Variants in ZNF512 observed in about 807,000 individuals in gnomAD.
ZNF512 encodes zinc finger protein 512.
A neutral mutation model predicts 77.5 loss-of-function variants in ZNF512; 25 were observed. That is an observed-to-expected ratio of 0.32 (90% CI 0.23 to 0.45). The LOEUF (loss-of-function observed/expected upper bound fraction) is 0.45. Ranked by LOEUF, ZNF512 falls within the 20% of genes least tolerant of loss-of-function variation. The pLI is 1.00. For missense variants in ZNF512, 483 were observed against 692.6 expected (o/e 0.70, Z 3.40); for synonymous variants, 246 against 239.9 (o/e 1.03, Z -0.24).
At chr2:27,596,288 T>C (rs558186350) in intron 2 of ZNF512, among the ~76,000 whole-genome samples, 1 of 152,352 alleles carries the variant, frequency 6.6e-6, no homozygotes, top group East Asian at 1.9e-4. Flanking sequence ...TCATTTTGGT[T>C]TTCAAAGTCT....
At chr2:27,598,572 T>C (rs1001357699) in intron 3 of ZNF512, among the ~76,000 whole-genome samples, 2 of 148,944 alleles carry the variant, frequency 1.3e-5, no homozygotes, top group Admixed American at 6.8e-5. Flanking sequence ...GAGGTTGCAC[T>C]GAGCAGAGAT....
intron 10 of ZNF512, among the ~76,000 whole-genome samples, chr2:27,610,545 T>TGTGTAG (rs57413964): frequency 5.3e-5 from 1 of 18,958 alleles, no homozygotes; most frequent in Non-Finnish European, 8.9e-5. Flanking sequence ...TATGTGTGTG[T>TGTGTAG]ATATATATAT....
intron 2 of ZNF512, among the ~76,000 whole-genome samples, chr2:27,595,415 C>G (rs1220639562): frequency 6.6e-6 from 1 of 151,774 alleles, no homozygotes; most frequent in Non-Finnish European, 1.5e-5. Context: ...GCCTCCGCCT[C>G]CCAGGTTCAA....
chr2:27,607,740 T>C, intron 9 of ZNF512, 105 bp from the exon 10 acceptor site: 3 of 1,062,588 alleles, frequency 2.8e-6, no homozygotes, highest in Non-Finnish European at 4.1e-6. Context: ...AGCAATCTAC[T>C]ACATAGCTCT....
In ZNF512 at chr2:27,621,455, G is replaced by A. The variant is rs1212291873; in HGVS notation, c.1698G>A (p.Arg566=). The A allele has an allele frequency of 1.2e-6, 2 of 1,607,978 alleles. No homozygotes were observed. The highest frequency in any genetic ancestry group is 1.7e-6 in the Non-Finnish European group (2 of 1,179,330). ...CAAAGACTAATCATAAACGAGGAAG[G>A]AAATAGGCAGTCAGTGTAAAAGTGC... ...KPPKTNHKRG[R]K is the part of the protein sequence containing the mutation. The change falls in exon 14 of 14, where the codon AGG becomes AGA. Residue 566 remains arginine, a synonymous_variant. Coordinates refer to ENST00000355467, the MANE Select transcript of ZNF512 (RefSeq NM_032434.4).
intron 2 of ZNF512, among the ~76,000 whole-genome samples, chr2:27,591,777 A>C (rs1030319133): frequency 1.4e-4 from 22 of 152,094 alleles, no homozygotes; most frequent in African/African-American, 5.1e-4. Context: ...TCATGGGCTC[A>C]GTCCCCCTGC....
intron 2 of ZNF512, among the ~76,000 whole-genome samples, chr2:27,595,926 T>G (rs1671849043): frequency 6.6e-6 from 1 of 152,244 alleles, no homozygotes; most frequent in Non-Finnish European, 1.5e-5. Context: ...CTTTGAAAAT[T>G]GCTCACATTT....
At chr2:27,583,966 T>C (rs901843837) in intron 2 of ZNF512, among the ~76,000 whole-genome samples, 18 of 152,224 alleles carry the variant, frequency 1.2e-4, no homozygotes, top group Admixed American at 1.2e-3. Flanking sequence ...CCAGTGGAAC[T>C]TCTTGTGACG....
At chr2:27,619,558 C>T (rs1187853710) in intron 13 of ZNF512, among the ~76,000 whole-genome samples, 1 of 152,030 alleles carries the variant, frequency 6.6e-6, no homozygotes. Context: ...TTGATTTATG[C>T]CTCTATGAAT....
At chr2:27,586,016 C>T (rs1671307677) in intron 2 of ZNF512, among the ~76,000 whole-genome samples, 1 of 152,112 alleles carries the variant, frequency 6.6e-6, no homozygotes, top group African/African-American at 2.4e-5. Flanking sequence ...CCCTAACCAC[C>T]TTGATTTAAT....
chr2:27,583,072 C>G lies in ZNF512; in HGVS notation c.-41C>G, dbSNP rs772947998. The stretch of plus-strand genomic sequence containing the variant: ...AGAGCGGAAGTGGCGTTGGTCTGGC[C>G]GGAGCCCTTGGGTGAAATTGTTAGG... On this transcript the variant is annotated 5_prime_UTR_variant, in exon 1 of 14. Coordinates refer to ENST00000355467, the MANE Select transcript of ZNF512 (RefSeq NM_032434.4). 6.2e-7 allele frequency: 1 copy of G among 1,613,748 alleles called. No homozygotes were observed. Among genetic ancestry groups the G allele is most frequent in the East Asian group, 2.2e-5 (1 of 44,862 alleles).
rs1244968585 is a variant in ZNF512 at position 27,586,962 on chromosome 2, A to G, written c.89+3246A>G. Among the ~76,000 whole-genome samples the G allele has an allele frequency of 2.0e-5, 3 of 152,208 alleles. No homozygotes were observed. The East Asian group carries it at 5.8e-4, about 29-fold the overall frequency. On this transcript the variant is annotated intron_variant, in intron 2 of 13. Transcript: ENST00000355467. The stretch of plus-strand genomic sequence containing the variant: ...GATACCATAATTTGTTTAGCCATCT[A>G]TCTTGATTGACATTTGAGTTATTTT...
At chr2:27,600,091 T>C in intron 5 of ZNF512, 38 bp downstream of exon 5, 3 of 1,597,334 alleles carry the variant, frequency 1.9e-6, no homozygotes, top group Non-Finnish European at 2.6e-6. Flanking sequence ...GATGTAGTTC[T>C]CACACTCTGA....
chr2:27,615,217 A>T lies in ZNF512; in HGVS notation c.1181A>T (p.His394Leu). ...CCTACCTTCAGCCAGGAAGTACTACATAAATGGAAGACAGATATCAAGAAA... is the reference window on the plus strand; with the variant it reads ...CCTACCTTCAGCCAGGAAGTACTACTTAAATGGAAGACAGATATCAAGAAA... ...GLPTFSQEVL[H>L]KWKTDIKKYH... is the part of the protein sequence containing the mutation. Residue 394 changes from histidine (H) to leucine (L), a missense_variant, in exon 11 of 14, where the codon CAT becomes CTT. Around this residue, in one of 2 missense-constraint regions of ZNF512, gnomAD observed 324 missense variants for 525.0 expected, o/e 0.62. Transcript: ENST00000355467. 1 of 1,608,320 alleles carries T rather than the reference A, an allele frequency of 6.2e-7. No homozygotes were observed.
At chr2:27,583,197 A>G in intron 1 of ZNF512, 55 bp downstream of exon 1, 1 of 1,612,990 alleles carries the variant, frequency 6.2e-7, no homozygotes, top group Non-Finnish European at 8.5e-7. Context: ...CGAGCCCGGA[A>G]CACGCGGTCC....
rs1443270229 is a variant in ZNF512 at position 27,617,513 on chromosome 2, A to C, written c.1337A>C (p.Gln446Pro). The C allele has an allele frequency of 6.6e-7, 1 of 1,519,540 alleles. No homozygotes were observed. The allele number at this position is 1,519,540 out of a possible 1,614,324, so 94.1% of individuals were successfully genotyped here. ...GGAAAATACAAATGTCTTCTATGTC[A>C]GAAAGAATTTGTGTCAGAGAGTGGT... ...VAGKYKCLLC[Q>P]KEFVSESGVK... is the part of the protein sequence containing the mutation. The change falls in exon 13 of 14, where the codon CAG becomes CCG. Residue 446 changes from glutamine (Q) to proline (P), a missense_variant. By Grantham distance (76) the Gln-to-Pro change is moderately conservative. Coordinates refer to ENST00000355467, the MANE Select transcript of ZNF512 (RefSeq NM_032434.4).
chr2:27,596,391 C>G (rs1362477312), intron 2 of ZNF512, among the ~76,000 whole-genome samples: 3 of 151,982 alleles, frequency 2.0e-5, no homozygotes, highest in Admixed American at 2.0e-4. Context: ...TTAAGAGATT[C>G]TTTTTTTTGC....
Position 27,621,746 on chromosome 2 carries a change from C to G in ZNF512, c.*285C>G. 1 of 269,368 alleles carries G rather than the reference C, an allele frequency of 3.7e-6. No homozygotes were observed. The highest frequency in any genetic ancestry group is 6.6e-5 in the South Asian group (1 of 15,244). 16.7% of individuals were successfully genotyped at this position (269,368 alleles called of 1,614,324 possible). ...AACTATAGGCTCCTCTTGCCCTGTA[C>G]AAAACTAAGAAACCTCTTTGGTTGT... On this transcript the variant is annotated 3_prime_UTR_variant, in exon 14 of 14. Transcript: ENST00000355467.
intron 10 of ZNF512, among the ~76,000 whole-genome samples, chr2:27,609,638 G>A (rs1278243784): frequency 6.6e-6 from 1 of 152,160 alleles, no homozygotes; most frequent in Non-Finnish European, 1.5e-5. Flanking sequence ...GGAGGCCGTG[G>A]TGGGCCGATC....
Sources: gnomAD v4.1 joint callset for allele counts (sites outside exome capture counted in the v4.1 genomes callset) on GRCh38, gnomAD v4.1.1 for gene constraint, gnomAD v4.1.1 regional missense constraint, MANE v1.5 for transcripts, NCBI Gene and HGNC (gene_info 2026-07-23, HGNC 2026-07-21) for gene names.